Variants in TAFA4 observed in about 807,000 individuals in gnomAD.
The protein encoded by TAFA4 is chemokine-like protein TAFA-4.
In TAFA4, 20 loss-of-function variants were observed where a neutral mutation model predicts 21.1. The ratio of observed to expected loss-of-function variants is 0.95; its 90% confidence interval spans 0.67 to 1.38. The LOEUF is 1.38. TAFA4 is among the 40% of genes most tolerant of loss of function. The pLI is 0.00. For missense variants in TAFA4, 211 were observed against 180.9 expected (o/e 1.17, Z -0.95); for synonymous variants, 71 against 67.4 (o/e 1.05, Z -0.26).
chr3:68,736,941 T>A (rs1054560415), intron 5 of TAFA4, among the ~76,000 whole-genome samples: 1 of 152,162 alleles, frequency 6.6e-6, no homozygotes, highest in Non-Finnish European at 1.5e-5. Context: ...CTTTTCGAAG[T>A]GCTAAATGAA....
At chr3:68,919,217 T>C (rs1299024405) in intron 1 of TAFA4, among the ~76,000 whole-genome samples, 2 of 152,222 alleles carry the variant, frequency 1.3e-5, no homozygotes, top group Admixed American at 6.5e-5. Flanking sequence ...TGTATTTACA[T>C]AGCCATCAAT....
chr3:68,755,871 C>G (rs1702651271), intron 3 of TAFA4, among the ~76,000 whole-genome samples: 1 of 152,160 alleles, frequency 6.6e-6, no homozygotes, highest in South Asian at 2.1e-4. Flanking sequence ...TTGCCATGTA[C>G]ATGATTAGGT....
At chr3:68,852,336 T>C (rs1704969719) in intron 3 of TAFA4, among the ~76,000 whole-genome samples, 2 of 152,270 alleles carry the variant, frequency 1.3e-5, no homozygotes, top group African/African-American at 4.8e-5. Context: ...GGGGCTTGCA[T>C]TCCCAGAACA....
intron 3 of TAFA4, among the ~76,000 whole-genome samples, chr3:68,849,044 T>TA (rs552005881): frequency 4.6e-5 from 7 of 152,212 alleles, no homozygotes; most frequent in East Asian, 3.9e-4. Flanking sequence ...TAGAATGGAA[T>TA]AAAAAAAATT....
intron 3 of TAFA4, among the ~76,000 whole-genome samples, chr3:68,787,818 T>C (rs1341868684): frequency 6.6e-6 from 1 of 152,242 alleles, no homozygotes; most frequent in African/African-American, 2.4e-5. Context: ...TGGAGCTGCA[T>C]GTTGTGTAAT....
chr3:68,758,181 G>A (rs575935015), intron 3 of TAFA4, among the ~76,000 whole-genome samples: 1 of 152,160 alleles, frequency 6.6e-6, no homozygotes, highest in Admixed American at 6.5e-5. Context: ...ATGGGACATA[G>A]CTCAGTTTCC....
chr3:68,763,503 T>C (rs898486727), intron 3 of TAFA4, among the ~76,000 whole-genome samples: 12 of 152,248 alleles, frequency 7.9e-5, no homozygotes, highest in African/African-American at 2.9e-4. Context: ...TGTTCGATTC[T>C]AATAGATATT....
At chr3:68,925,990 G>A (rs977814446) in intron 1 of TAFA4, among the ~76,000 whole-genome samples, 25 of 152,162 alleles carry the variant, frequency 1.6e-4, no homozygotes, top group African/African-American at 4.1e-4. Flanking sequence ...CCAGTACTTC[G>A]GGAGGCGGAG....
At chr3:68,853,699 G>C (rs551621131) in intron 3 of TAFA4, among the ~76,000 whole-genome samples, 1 of 152,040 alleles carries the variant, frequency 6.6e-6, no homozygotes, top group Non-Finnish European at 1.5e-5. Flanking sequence ...CTGATTGTCT[G>C]CTAGAGGCAA....
intron 3 of TAFA4, among the ~76,000 whole-genome samples, chr3:68,762,064 T>A (rs1032006175): frequency 4.6e-5 from 7 of 151,776 alleles, no homozygotes; most frequent in African/African-American, 1.7e-4. Flanking sequence ...AGGAAAGACA[T>A]TTGCTCATTA....
intron 4 of TAFA4, among the ~76,000 whole-genome samples, chr3:68,750,843 G>C (rs1702545768): frequency 6.6e-6 from 1 of 152,200 alleles, no homozygotes; most frequent in African/African-American, 2.4e-5. Flanking sequence ...AGAGCAATCT[G>C]TGATTAGCAA....
At chr3:68,918,125 A>G (rs1256171783) in intron 1 of TAFA4, among the ~76,000 whole-genome samples, 3 of 73,732 alleles carry the variant, frequency 4.1e-5, no homozygotes, top group African/African-American at 2.1e-4. Context: ...AGGAAGCCAG[A>G]CACACATACA....
chr3:68,870,396 T>G (rs1030094786), intron 3 of TAFA4, among the ~76,000 whole-genome samples: 1 of 151,584 alleles, frequency 6.6e-6, no homozygotes, highest in Non-Finnish European at 1.5e-5. Context: ...ACCAAAACAA[T>G]CCGAACTGGA....
intron 1 of TAFA4, among the ~76,000 whole-genome samples, chr3:68,929,316 G>C (rs767605069): frequency 6.6e-6 from 1 of 152,168 alleles, no homozygotes; most frequent in South Asian, 2.1e-4. Flanking sequence ...GGCCAAGATC[G>C]CTTCACCAAT....
At chr3:68,816,868 T>G (rs954301080) in intron 3 of TAFA4, among the ~76,000 whole-genome samples, 3 of 119,726 alleles carry the variant, frequency 2.5e-5, no homozygotes, top group African/African-American at 7.9e-5. Context: ...AACACATTAT[T>G]GCTAAAAAAT....
chr3:68,844,711 T>C (rs948241619), intron 3 of TAFA4, among the ~76,000 whole-genome samples: 1 of 152,222 alleles, frequency 6.6e-6, no homozygotes, highest in Admixed American at 6.5e-5. Context: ...GATTCTGGAA[T>C]GTTGTGTCTT....
chr3:68,929,762 T>C (rs1490395884), intron 1 of TAFA4, among the ~76,000 whole-genome samples: 1 of 152,244 alleles, frequency 6.6e-6, no homozygotes, highest in Non-Finnish European at 1.5e-5. Flanking sequence ...ATTATTAAGC[T>C]AAGCCTCTTA....
chr3:68,820,139 C>G (rs538236677), intron 3 of TAFA4, among the ~76,000 whole-genome samples: 4 of 152,264 alleles, frequency 2.6e-5, no homozygotes, highest in Non-Finnish European at 5.9e-5. Flanking sequence ...TGGAATAACA[C>G]AGATGAACCT....
At chr3:68,901,999 A>G (rs1021588366) in intron 1 of TAFA4, among the ~76,000 whole-genome samples, 2 of 152,248 alleles carry the variant, frequency 1.3e-5, no homozygotes, top group Non-Finnish European at 2.9e-5. Context: ...CACCTGTACT[A>G]ACAATAGTTG....
Sources: allele counts gnomAD v4.1 joint callset (sites outside exome capture counted in the v4.1 genomes callset), GRCh38; gene constraint gnomAD v4.1.1; transcripts MANE v1.5; gene names NCBI Gene and HGNC (gene_info 2026-07-23, HGNC 2026-07-21).